MLIP: variants seen among roughly 807,000 people sequenced by gnomAD.
The protein encoded by MLIP is muscular LMNA-interacting protein.
A neutral mutation model predicts 84.8 loss-of-function variants in MLIP; 79 were observed. The ratio of observed to expected loss-of-function variants is 0.93; its 90% confidence interval spans 0.78 to 1.12. MLIP has a LOEUF of 1.12. Among genes scored for constraint, MLIP ranks in the 50% most tolerant of loss-of-function variants. The pLI is 0.00. For missense variants in MLIP, 1,257 were observed against 1,160.6 expected, an observed-to-expected ratio of 1.08 and a Z score of -1.21; for synonymous variants, 504 against 463.0, an observed-to-expected ratio of 1.09 and a Z score of -1.14.
intron 5 of MLIP, among the ~76,000 whole-genome samples, chr6:54,159,433 C>T (rs1168291440): frequency 6.6e-6 from 1 of 151,972 alleles, no homozygotes; most frequent in Non-Finnish European, 1.5e-5. Context: ...TTACAGATAA[C>T]AATGATAAAC....
At chr6:54,163,981 CTTT>C (rs1289304835) in intron 8 of MLIP, among the ~76,000 whole-genome samples, 2 of 151,924 alleles carry the variant, frequency 1.3e-5, no homozygotes, top group African/African-American at 4.8e-5. Flanking sequence ...CCCCAGGCTT[CTTT>C]GTCTTCAACA....
rs539433891 is a variant in MLIP at position 54,262,162 on chromosome 6, C to T, written c.2977-3788C>T. Among the ~76,000 whole-genome samples, 8 of 152,070 alleles carry T rather than the reference C, an allele frequency of 5.3e-5. 1 individual carries two copies. The South Asian group carries it at 1.7e-3, about 32-fold the overall frequency. ...CTTTCTTGTGTTGTAAGCCCCCAAC[C>T]TGTGTTGGGGAAATGTAATTTAAAA... is the stretch of plus-strand genomic sequence containing the variant. On this transcript the variant is annotated intron_variant, in intron 13 of 13. Transcript: ENST00000502396.
chr6:54,057,557 T>TATAG (rs1286487418), intron 1 of MLIP, among the ~76,000 whole-genome samples: 2 of 152,188 alleles, frequency 1.3e-5, no homozygotes, highest in African/African-American at 4.8e-5. Context: ...ATGCTGAGAA[T>TATAG]ATAGACCTTC....
intron 12 of MLIP, among the ~76,000 whole-genome samples, chr6:54,246,760 T>A (rs149255871): frequency 6.6e-6 from 1 of 152,244 alleles, no homozygotes; most frequent in Admixed American, 6.5e-5. Flanking sequence ...TAACTTAAGG[T>A]CTGTATTCGT....
At chr6:54,100,736 A>G (rs1223457710) in intron 1 of MLIP, among the ~76,000 whole-genome samples, 2 of 152,142 alleles carry the variant, frequency 1.3e-5, no homozygotes, top group African/African-American at 4.8e-5. Flanking sequence ...TTGAGCATCT[A>G]CTAAATGTTA....
At chr6:54,051,523 T>C (rs547088142) in intron 1 of MLIP, among the ~76,000 whole-genome samples, 1 of 152,250 alleles carries the variant, frequency 6.6e-6, no homozygotes, top group East Asian at 1.9e-4. Context: ...GAGACTGCTT[T>C]TTCCTCTTTA....
chr6:54,168,611 T>C lies in MLIP; in HGVS notation c.2500-917T>C, dbSNP rs200553885. Among the ~76,000 whole-genome samples, 11 of 151,946 alleles carry C rather than the reference T, an allele frequency of 7.2e-5. No individual in the cohort carries two copies. The East Asian group carries it at 1.9e-3, about 27-fold the overall frequency. The stretch of plus-strand genomic sequence containing the variant: ...GTAGAACAGTGACTGGCACACACAG[T>C]AGATACACAAATATGTATTGAGTGG... On this transcript the variant is annotated intron_variant, in intron 8 of 13. Coordinates refer to ENST00000502396, the MANE Select transcript of MLIP (RefSeq NM_001281747.2).
intron 2 of MLIP, among the ~76,000 whole-genome samples, chr6:54,122,723 A>G (rs1770560616): frequency 6.6e-6 from 1 of 152,136 alleles, no homozygotes; most frequent in South Asian, 2.1e-4. Flanking sequence ...ACATAATATT[A>G]ATGAGATCCT....
intron 1 of MLIP, among the ~76,000 whole-genome samples, chr6:54,036,653 C>A (rs74796258): frequency 0.023 from 3,562 of 151,852 alleles, 53 homozygotes; most frequent in Non-Finnish European, 0.035. Context: ...TGAATTGGTA[C>A]AATCAATATG....
intron 12 of MLIP, among the ~76,000 whole-genome samples, chr6:54,236,957 G>A (rs939323396): frequency 6.6e-6 from 1 of 151,990 alleles, no homozygotes; most frequent in African/African-American, 2.4e-5. Context: ...CCTAATCCAG[G>A]TTTTCCCCAG....
At chr6:54,064,525 C>T (rs1412371931) in intron 1 of MLIP, among the ~76,000 whole-genome samples, 1 of 100,022 alleles carries the variant, frequency 1.0e-5, no homozygotes, top group African/African-American at 2.6e-5. Flanking sequence ...CACCACCGCA[C>T]CCCTGCCGTG....
In MLIP at chr6:54,138,094, T is replaced by C; in HGVS notation, c.2025T>C (p.Ser675=). Residue 675 remains serine, a synonymous_variant, in exon 4 of 14, where the codon AGT becomes AGC. Transcript: ENST00000502396. The part of the protein sequence containing the change: ...ANLPTLVPQL[S]PSALHPHCGS... Reference sequence around the variant, plus strand: ...TGCCCACCCTGGTGCCCCAGCTCAGTCCCTCAGCTCTGCACCCACATTGCG... The same window carrying C: ...TGCCCACCCTGGTGCCCCAGCTCAGCCCCTCAGCTCTGCACCCACATTGCG... 1 of 1,536,114 alleles carries C rather than the reference T, an allele frequency of 6.5e-7. No homozygotes were observed. The highest frequency in any genetic ancestry group is 8.7e-7 in the Non-Finnish European group (1 of 1,146,882).
At chr6:54,094,983 T>C (rs1768111763) in intron 1 of MLIP, among the ~76,000 whole-genome samples, 1 of 152,038 alleles carries the variant, frequency 6.6e-6, no homozygotes, top group African/African-American at 2.4e-5. Context: ...AACACTCAAG[T>C]GATGATTTAC....
At chr6:54,018,999 G>A in exon 1 of MLIP, 2 of 1,574,260 alleles carry the variant, frequency 1.3e-6, no homozygotes, top group Non-Finnish European at 1.7e-6. Context: ...GTGTCTCTCA[G>A]TCTTTCTCTC....
At chr6:54,032,169 AACTC>A (rs1436458285) in intron 1 of MLIP, among the ~76,000 whole-genome samples, 1 of 152,094 alleles carries the variant, frequency 6.6e-6, no homozygotes, top group African/African-American at 2.4e-5. Flanking sequence ...AACCCAGTAA[AACTC>A]AATGAGAGGT....
intron 10 of MLIP, among the ~76,000 whole-genome samples, chr6:54,196,309 G>A (rs766235700): frequency 1.3e-5 from 2 of 152,054 alleles, no homozygotes; most frequent in Non-Finnish European, 2.9e-5. Context: ...ATTAAGCCCA[G>A]CATGAATTAG....
chr6:54,166,498 A>T (rs1775208633), intron 8 of MLIP, among the ~76,000 whole-genome samples: 1 of 151,900 alleles, frequency 6.6e-6, no homozygotes, highest in Admixed American at 6.6e-5. Context: ...AACTTGAGAT[A>T]GTTGCTCACA....
At chr6:54,253,053 T>G (rs1782750720) in intron 12 of MLIP, among the ~76,000 whole-genome samples, 1 of 152,156 alleles carries the variant, frequency 6.6e-6, no homozygotes, top group Admixed American at 6.6e-5. Flanking sequence ...ATTCATTCAG[T>G]GTCTACTCTG....
intron 12 of MLIP, among the ~76,000 whole-genome samples, chr6:54,254,958 C>T (rs944343276): frequency 9.2e-5 from 14 of 152,052 alleles, no homozygotes; most frequent in African/African-American, 3.1e-4. Flanking sequence ...CTTCTCACTG[C>T]CTAAGATAAT....
Sources: allele counts gnomAD v4.1 joint callset (sites outside exome capture counted in the v4.1 genomes callset), GRCh38; gene constraint gnomAD v4.1.1; transcripts MANE v1.5; gene names NCBI Gene and HGNC (gene_info 2026-07-23, HGNC 2026-07-21).